Variants in MUC6 observed in about 807,000 individuals in gnomAD.
MUC6 encodes mucin-6.
In MUC6, 188 loss-of-function variants were observed where a neutral mutation model predicts 201.5. The ratio of observed to expected loss-of-function variants is 0.93; its 90% CI spans 0.83 to 1.05. The LOEUF (loss-of-function observed/expected upper bound fraction) is 1.05, where lower values mean the gene tolerates loss of function less well. Ranked by LOEUF, MUC6 falls within the 50% of genes least tolerant of loss-of-function variation. MUC6 has a pLI of 0.00. For synonymous variants in MUC6, 1,228 were observed against 1,389.4 expected, an observed-to-expected ratio of 0.88 and a Z score of 2.58; for missense variants, 2,706 against 3,256.9, an observed-to-expected ratio of 0.83 and a Z score of 4.12.
In MUC6 at chr11:1,036,712, T is replaced by C. The variant is rs1406955786; in HGVS notation, c.-57A>G. Reference sequence around the variant, plus strand: ...CCGGCAGGCCTGCTGCTGCCATCCATGCGGCTCCAACGGCCGGTCCTGGGT... The same window carrying C: ...CCGGCAGGCCTGCTGCTGCCATCCACGCGGCTCCAACGGCCGGTCCTGGGT... On this transcript the variant is annotated 5_prime_UTR_variant, in exon 1 of 33. The change abolishes an upstream ATG in the 5' untranslated region. Coordinates refer to ENST00000421673, the MANE Select transcript of MUC6 (RefSeq NM_005961.3). The C allele has an allele frequency of 1.3e-6, 2 of 1,524,832 alleles. No homozygotes were observed. Among genetic ancestry groups the C allele is most frequent in the Non-Finnish European group, 1.8e-6 (2 of 1,133,708 alleles). 94.5% of individuals were successfully genotyped at this position (1,524,832 alleles called of 1,614,324 possible).
At chr11:1,025,154 C>T in intron 23 of MUC6, 28 bp downstream of exon 23, 3 of 1,610,352 alleles carry the variant, frequency 1.9e-6, no homozygotes, top group Non-Finnish European at 2.5e-6. Context: ...CAGGGAGGGC[C>T]TGGGAGGAGG....
intron 31 of MUC6, 68 bp downstream of exon 31, chr11:1,015,694 C>T (rs1416562729): frequency 6.7e-7 from 1 of 1,495,912 alleles, no homozygotes; most frequent in African/African-American, 1.4e-5. Flanking sequence ...TAAGCTGAGG[C>T]AGGGGCTGCC....
Position 1,023,633 on chromosome 11 carries a change from G to A in MUC6, c.3402C>T (p.Tyr1134=). The change falls in exon 26 of 33, where the codon TAC becomes TAT. Residue 1134 remains tyrosine (Y), a synonymous_variant. Transcript: ENST00000421673. ...PAFCPIYCGF[Y]NTHTQDGHGE... The stretch of plus-strand genomic sequence containing the variant: ...CATGGCCGTCCTGCGTGTGCGTGTT[G>A]TAGAAGCCGCAGTAGATGGCTGGGA... The A allele has an allele frequency of 3.7e-6, 6 of 1,612,730 alleles. No homozygotes were observed. The highest frequency in any genetic ancestry group is 5.1e-6 in the Non-Finnish European group (6 of 1,179,818).
chr11:1,030,484 G>A, intron 7 of MUC6, 89 bp downstream of exon 7: 1 of 1,436,482 alleles, frequency 7.0e-7, no homozygotes, highest in Non-Finnish European at 9.2e-7. Context: ...GAGGGATGCA[G>A]GCGTCACGTC....
chr11:1,031,857 G>A lies in MUC6; in HGVS notation c.312C>T (p.Ser104=), dbSNP rs746559826. The change falls in exon 3 of 33, where the codon TCC becomes TCT. Residue 104 remains serine, a synonymous_variant. Coordinates refer to ENST00000421673, the MANE Select transcript of MUC6 (RefSeq NM_005961.3). ...TGATGGCTTCGCTCACAGTGACGAC[G>A]GAGGCCCCCAGCTCCACGATGATCC... is the stretch of plus-strand genomic sequence containing the variant. ...ISRIIVELGA[S]VVTVSEAIIS... 5.1e-5 allele frequency: 82 copies of A among 1,612,330 alleles called. No homozygotes were observed. The highest frequency in any genetic ancestry group is 1.2e-4 in the South Asian group (11 of 91,000).
chr11:1,035,884 G>T (rs1857204385), intron 1 of MUC6, among the ~76,000 whole-genome samples: 1 of 152,180 alleles, frequency 6.6e-6, no homozygotes, highest in African/African-American at 2.4e-5. Context: ...GTCTCCCCAG[G>T]TCTCAGGCTG....
intron 26 of MUC6, 34 bp downstream of exon 26, chr11:1,023,474 CT>C (rs747751532): frequency 1.3e-6 from 2 of 1,550,134 alleles, no homozygotes; most frequent in Non-Finnish European, 1.7e-6. Flanking sequence ...ATGGGTCCCC[CT>C]GTGTATCTGC....
Position 1,019,433 on chromosome 11 carries a change from G to A in MUC6, c.3872C>T (p.Thr1291Ile), listed in dbSNP as rs749395284. ...QATSGLPPTA[T>I]LRSTATKPTV... ...GGGTTTTGTGGCTGTCGATCTCAGT[G>A]TGGCTGTGGGAGGCAGCCCTGATGT... The change falls in exon 30 of 33, where the codon ACA becomes ATA. Residue 1291 changes from threonine (T) to isoleucine (I), a missense_variant. This residue lies in a region of MUC6 where 1,850 missense variants were observed against 1,958.3 expected (regional missense o/e 0.94). Coordinates refer to ENST00000421673, the MANE Select transcript of MUC6 (RefSeq NM_005961.3). 15 of 1,613,786 alleles carry A rather than the reference G, an allele frequency of 9.3e-6. No homozygotes were observed. The highest frequency in any genetic ancestry group is 1.7e-5 in the Admixed American group (1 of 59,998).
At chr11:1,031,575 C>T (rs1332968373) in intron 4 of MUC6, 32 bp downstream of exon 4, 2 of 1,541,716 alleles carry the variant, frequency 1.3e-6, no homozygotes, top group Non-Finnish European at 1.7e-6. Context: ...TGCTGCGGGT[C>T]TCCAGGCCCA....
intron 32 of MUC6, 51 bp downstream of exon 32, chr11:1,013,848 G>A (rs1564829608): frequency 1.3e-6 from 2 of 1,545,892 alleles, no homozygotes; most frequent in East Asian, 2.4e-5. Context: ...CTGGGGTGGG[G>A]TTGTGAGCAC....
intron 3 of MUC6, 32 bp downstream of exon 3, chr11:1,031,781 C>G (rs769895181): frequency 2.6e-6 from 4 of 1,559,022 alleles, no homozygotes; most frequent in African/African-American, 1.4e-5. Context: ...CTCCGGCCCC[C>G]GAGCCCCCGG....
In MUC6 at chr11:1,031,183, A is replaced by G; in HGVS notation, c.560T>C (p.Phe187Ser). 6.7e-7 allele frequency: 1 copy of G among 1,490,794 alleles called. No homozygotes were observed. The highest frequency in any genetic ancestry group is 9.0e-7 in the Non-Finnish European group (1 of 1,116,150). 92.3% of individuals were successfully genotyped at this position (1,490,794 alleles called of 1,614,324 possible). A position where few individuals can be genotyped will look rare whatever the true frequency, so the allele number is the denominator to read the frequency against. Residue 187 changes from phenylalanine (F) to serine (S), a missense_variant, in exon 5 of 33, where the codon TTT becomes TCT. Phe to Ser is a radical substitution (Grantham distance 155). Coordinates refer to ENST00000421673, the MANE Select transcript of MUC6 (RefSeq NM_005961.3). ...CCCCCACCTACCCTCCTCACTGACA[A>G]ACTCGTTGGTCACCTTCCCGTCAAA... The part of the protein sequence containing the change: ...GNFDGKVTNE[F>S]VSEEGKFLEP...
chr11:1,034,397 C>T (rs1264346212), intron 1 of MUC6, among the ~76,000 whole-genome samples: 2 of 152,324 alleles, frequency 1.3e-5, no homozygotes, highest in East Asian at 1.9e-4. Context: ...CCTACCCCCT[C>T]ACTCATCCCC....
At chr11:1,036,513 C>G in intron 1 of MUC6, 91 bp downstream of exon 1, 1 of 1,415,912 alleles carries the variant, frequency 7.1e-7, no homozygotes, top group Non-Finnish European at 9.6e-7. Context: ...GTGGGCCAGC[C>G]GAGTTGTCGA....
At position 1,027,743 on chromosome 11, in the gene MUC6, G is replaced by A. The variant is rs370068534; in HGVS notation, c.1923C>T (p.His641=). 89 of 1,609,236 alleles carry A rather than the reference G, an allele frequency of 5.5e-5. No homozygotes were observed. The highest frequency in any genetic ancestry group is 6.4e-5 in the Non-Finnish European group (75 of 1,178,490). The change falls in exon 16 of 33, where the codon CAC becomes CAT. Residue 641 remains histidine (H), a synonymous_variant. Transcript: ENST00000421673. ...GCAGGACGCCCCGCAAGGAGCAGGC[G>A]TGTACGTAGTCGCCCAGGGCGGCAC... ...HICAALGDYV[H]ACSLRGVLLW... is the part of the protein sequence containing the mutation.
At position 1,027,038 on chromosome 11, in the gene MUC6, G is replaced by C. The variant is rs762716760; in HGVS notation, c.2297C>G (p.Ala766Gly). Residue 766 changes from alanine to glycine, a missense_variant, in exon 19 of 33, where the codon GCC (alanine) becomes GGC (glycine). This residue lies in a region of MUC6 where 1,850 missense variants were observed against 1,958.3 expected (regional missense o/e 0.94). Transcript: ENST00000421673. The stretch of plus-strand genomic sequence containing the variant: ...GCTGCAGGACTTGAAGGTCTTAGGG[G>C]CCTGGCAGGAGGCTGCAGGAAAGAG... The part of the protein sequence containing the change: ...RPQMFLASCQ[A>G]PKTFKSCSQS... 1 of 1,602,926 alleles carries C rather than the reference G, an allele frequency of 6.2e-7. No homozygotes were observed. Among genetic ancestry groups the C allele is most frequent in the Non-Finnish European group, 8.5e-7 (1 of 1,175,538 alleles).
chr11:1,030,690 C>T lies in MUC6; in HGVS notation c.775G>A (p.Ala259Thr), dbSNP rs1857080849. 6.5e-7 allele frequency: 1 copy of T among 1,548,964 alleles called. No individual in the cohort carries two copies. Among genetic ancestry groups the T allele is most frequent in the Non-Finnish European group, 8.7e-7 (1 of 1,148,806 alleles). ...TGTGGGCCTGGCTGGGGGGCTGCGG[C>T]CACGTCCGCCTGGCAGCTTAGCACG... ...PFVLSCQADVAAAPQPGPQNS... is the reference protein window; with the variant it reads ...PFVLSCQADVTAAPQPGPQNS... The change falls in exon 7 of 33, where the codon GCC becomes ACC. Residue 259 changes from alanine (A) to threonine (T), a missense_variant. Physicochemically the swap from Ala to Thr is moderately conservative, Grantham distance 58. Transcript: ENST00000421673.
At chr11:1,015,697 G>T in intron 31 of MUC6, 65 bp downstream of exon 31, 1 of 1,498,622 alleles carries the variant, frequency 6.7e-7, no homozygotes, top group Non-Finnish European at 8.9e-7. Context: ...GCTGAGGCAG[G>T]GGCTGCCTGG....
chr11:1,013,326 C>A lies in MUC6; in HGVS notation c.*130G>T. 9.8e-7 allele frequency: 1 copy of A among 1,020,748 alleles called. No homozygotes were observed. The allele number at this position is 1,020,748 out of a possible 1,614,324, so 63.2% of individuals were successfully genotyped here. ...ACCGGTGCCCCAGGGAGCCACGGCCCAGGGCACTTGGGGGCCAGGCCTGGT... is the reference window on the plus strand; with the variant it reads ...ACCGGTGCCCCAGGGAGCCACGGCCAAGGGCACTTGGGGGCCAGGCCTGGT... On this transcript the variant is annotated 3_prime_UTR_variant, in exon 33 of 33. Transcript: ENST00000421673.
Sources: gnomAD v4.1 joint callset for allele counts (sites outside exome capture counted in the v4.1 genomes callset) on GRCh38, gnomAD v4.1.1 for gene constraint, gnomAD v4.1.1 regional missense constraint, MANE v1.5 for transcripts, NCBI Gene and HGNC (gene_info 2026-07-23, HGNC 2026-07-21) for gene names.